HUWE1: variants seen among roughly 807,000 people sequenced by gnomAD.
HUWE1 encodes E3 ubiquitin-protein ligase HUWE1.
In HUWE1, 18 loss-of-function variants were observed where a neutral mutation model predicts 299.4. The ratio of observed to expected loss-of-function variants is 0.06; its 90% CI spans 0.04 to 0.09. HUWE1 has a LOEUF of 0.09. Ranked by LOEUF, HUWE1 falls within the 10% of genes least tolerant of loss-of-function variation. The pLI is 1.00. For synonymous variants in HUWE1, 1,317 were observed against 1,286.1 expected, an observed-to-expected ratio of 1.02 and a Z score of -0.51; for missense variants, 1,832 against 3,462.3, an observed-to-expected ratio of 0.53 and a Z score of 11.82.
At position 53,589,570 on chromosome X, in the gene HUWE1, T is replaced by A; in HGVS notation, c.4438A>T (p.Ile1480Phe). ...ACCTGATTGACTACTTGCTTCAGAA[T>A]CATGTCACGATAATCTGCTCCATTA... ...KRNGADYRDM[I>F]LKQVVNQVWE... Residue 1480 changes from isoleucine (I) to phenylalanine (F), a missense_variant, in exon 36 of 84, where the codon ATT becomes TTT. Ile to Phe is a conservative substitution (Grantham distance 21). This residue lies in a region of HUWE1 where 658 missense variants were observed against 1,282.6 expected (regional missense o/e 0.51). Coordinates refer to ENST00000262854, the MANE Select transcript of HUWE1 (RefSeq NM_031407.7). 8.3e-7 allele frequency: 1 copy of A among 1,211,514 alleles called. No homozygotes were observed. The highest frequency in any genetic ancestry group is 1.1e-6 in the Non-Finnish European group (1 of 895,249).
At chrX:53,595,743 T>G (rs1188219347) in intron 29 of HUWE1, among the ~76,000 whole-genome samples, 4 of 111,572 alleles carry the variant, frequency 3.6e-5, no homozygotes, top group Non-Finnish European at 5.6e-5. Flanking sequence ...ACAGAAAACT[T>G]TTAAAATGCC....
intron 18 of HUWE1, 29 bp from the exon 19 acceptor site, chrX:53,624,704 T>A: frequency 9.6e-7 from 1 of 1,041,882 alleles, no homozygotes; most frequent in Non-Finnish European, 1.3e-6. Flanking sequence ...TTATGGAGAA[T>A]ACGAATAGTC....
intron 24 of HUWE1, 69 bp from the exon 25 acceptor site, chrX:53,607,768 A>C: frequency 1.5e-6 from 1 of 679,036 alleles, no homozygotes; most frequent in Non-Finnish European, 2.3e-6. Flanking sequence ...GCCTGGAATA[A>C]GGATGGGGTA....
At chrX:53,612,623 A>G (rs1557003457) in intron 23 of HUWE1, among the ~76,000 whole-genome samples, 1 of 112,080 alleles carries the variant, frequency 8.9e-6, no homozygotes, top group African/African-American at 3.3e-5. Context: ...GAGGAAAACC[A>G]TTAACATGTA....
At chrX:53,538,602 G>C (rs2061172476) in intron 76 of HUWE1, 148 bp from the exon 77 acceptor site, 1 of 544,836 alleles carries the variant, frequency 1.8e-6, no homozygotes, top group Non-Finnish European at 3.1e-6. Context: ...CAGCCCTTGA[G>C]GTGTGAACGT....
intron 77 of HUWE1, among the ~76,000 whole-genome samples, chrX:53,538,024 T>G (rs1368070806): frequency 1.8e-5 from 2 of 111,799 alleles, no homozygotes; most frequent in Non-Finnish European, 3.8e-5. Context: ...CCTGGAACCC[T>G]GCTGTGTGTG....
intron 13 of HUWE1, 33 bp downstream of exon 13, chrX:53,629,483 A>G (rs782050781): frequency 1.0e-6 from 1 of 962,119 alleles, no homozygotes; most frequent in Admixed American, 2.2e-5. Context: ...CAAGTGTTAC[A>G]GCTAAGGGTT....
At chrX:53,581,965 A>C (rs1391847519) in intron 42 of HUWE1, among the ~76,000 whole-genome samples, 1 of 111,548 alleles carries the variant, frequency 9.0e-6, no homozygotes, top group African/African-American at 3.3e-5. Context: ...GATATCTTAG[A>C]CCAAGAGTAC....
At position 53,602,800 on chromosome X, in the gene HUWE1, G is replaced by A. The variant is rs184420834; in HGVS notation, c.2877-142C>T. The A allele has an allele frequency of 3.5e-4, 125 of 356,232 alleles. 1 individual carries two copies. In the Admixed American group the frequency reaches 6.2e-3, roughly 18 times the overall value. The allele number at this position is 356,232 out of a possible 1,213,427, so 29.4% of individuals were successfully genotyped here. A position where few individuals can be genotyped will look rare whatever the true frequency, so the allele number is the denominator to read the frequency against. ...GGCAGGTTAAACTGAATGTAATAAA[G>A]CATCTATAATTCCTGAGGTAGCACC... On this transcript the variant is annotated intron_variant, in intron 27 of 83. Coordinates refer to ENST00000262854, the MANE Select transcript of HUWE1 (RefSeq NM_031407.7).
At position 53,543,960 on chromosome X, in the gene HUWE1, C is replaced by T. The variant is rs782159146; in HGVS notation, c.11260G>A (p.Gly3754Ser). The change falls in exon 73 of 84, where the codon GGT (glycine) becomes AGT (serine). Residue 3754 changes from glycine (G) to serine (S), a missense_variant. Gly to Ser is a moderately conservative substitution (Grantham distance 56). Transcript: ENST00000262854. ...AKQTGRLGSS[G>S]LGSASSIQAA... ...TGGATGCTGCTAGCTGAGCCTAAACCGGAGGAACCTGGGAGAAAGAGAAAG... is the reference window on the plus strand; with the variant it reads ...TGGATGCTGCTAGCTGAGCCTAAACTGGAGGAACCTGGGAGAAAGAGAAAG... 7.5e-6 allele frequency: 9 copies of T among 1,201,743 alleles called. No individual in the cohort carries two copies. Among genetic ancestry groups the T allele is most frequent in the East Asian group, 3.0e-5 (1 of 33,569 alleles).
In HUWE1 at chrX:53,629,373, G is replaced by A. The variant is rs1355697197; in HGVS notation, c.963+143C>T. ...TGTATACGAAACATCAATGAATTTCGTGTTTAAACTTGGGTCCCATGCCCA... is the reference window on the plus strand; with the variant it reads ...TGTATACGAAACATCAATGAATTTCATGTTTAAACTTGGGTCCCATGCCCA... On this transcript the variant is annotated intron_variant, in intron 13 of 83. Transcript: ENST00000262854. The A allele has an allele frequency of 3.7e-5, 18 of 480,672 alleles. No homozygotes were observed. In the Admixed American group the frequency reaches 4.5e-4, roughly 12 times the overall value. The allele number at this position is 480,672 out of a possible 1,213,427, so 39.6% of individuals were successfully genotyped here. A position where few individuals can be genotyped will look rare whatever the true frequency, so the allele number is the denominator to read the frequency against.
chrX:53,537,458 C>G, intron 78 of HUWE1, 98 bp downstream of exon 78: 1 of 877,404 alleles, frequency 1.1e-6, no homozygotes, highest in Non-Finnish European at 1.6e-6. Flanking sequence ...TTAGGGAGGG[C>G]AGCACCTCCC....
rs1557035904 is a variant in HUWE1, at chrX:53,646,209, G to A, written c.352-746C>T. The stretch of plus-strand genomic sequence containing the variant: ...GGGTCTCTCTGTTGCCCAGGCTGGA[G>A]TGCAAAGGCATGATCATAGCTCCCT... On this transcript the variant is annotated intron_variant, in intron 6 of 83. Transcript: ENST00000262854. 1.8e-5 allele frequency among the ~76,000 whole-genome samples: 2 copies of A among 110,844 alleles called. 1 individual carries two copies. Among genetic ancestry groups the A allele is most frequent in the Non-Finnish European group, 3.8e-5 (2 of 52,935 alleles).
chrX:53,584,051 G>C (rs2063746425), intron 41 of HUWE1, 135 bp from the exon 42 acceptor site: 2 of 808,636 alleles, frequency 2.5e-6, no homozygotes, highest in African/African-American at 2.0e-5. Flanking sequence ...TTTAAGATCA[G>C]ATGAAAAAGC....
chrX:53,553,826 A>G (rs1381885403), intron 61 of HUWE1, among the ~76,000 whole-genome samples: 1 of 108,345 alleles, frequency 9.2e-6, no homozygotes, highest in African/African-American at 3.5e-5. Flanking sequence ...TAAATAAATA[A>G]AATAAAATAA....
intron 6 of HUWE1, among the ~76,000 whole-genome samples, chrX:53,645,733 A>AAT (rs2149256672): frequency 5.1e-5 from 1 of 19,460 alleles, no homozygotes; most frequent in East Asian, 1.6e-3. Flanking sequence ...AAAAAAAAAA[A>AAT]AAAATATATA....
chrX:53,655,343 G>A (rs1204640940), intron 3 of HUWE1, among the ~76,000 whole-genome samples: 2 of 111,010 alleles, frequency 1.8e-5, no homozygotes, highest in South Asian at 3.9e-4. Flanking sequence ...TGGAAATAGC[G>A]TGTATTTGCC....
chrX:53,554,535 C>G, intron 61 of HUWE1, 98 bp downstream of exon 61: 2 of 881,201 alleles, frequency 2.3e-6, no homozygotes, highest in Non-Finnish European at 3.3e-6. Flanking sequence ...AAGTTGAACT[C>G]CTACTATTTC....
Position 53,580,985 on chromosome X carries a change from G to A in HUWE1, c.5562C>T (p.Thr1854=). ...SAATSGAGST[T]SGVVSGSLGS... is the part of the protein sequence containing the mutation. The stretch of plus-strand genomic sequence containing the variant: ...CGAGGCTGCCAGACACAACACCAGA[G>A]GTAGTGCTACCAGCTCCACTTGTAG... The change falls in exon 43 of 84, where the codon ACC becomes ACT. Residue 1854 remains threonine, a synonymous_variant. Transcript: ENST00000262854. The A allele has an allele frequency of 1.7e-6, 2 of 1,209,563 alleles. No homozygotes were observed. Among genetic ancestry groups the A allele is most frequent in the Non-Finnish European group, 2.2e-6 (2 of 894,228 alleles).
Sources: allele counts gnomAD v4.1 joint callset (sites outside exome capture counted in the v4.1 genomes callset), GRCh38; gene constraint gnomAD v4.1.1; regional missense constraint gnomAD v4.1.1; transcripts MANE v1.5; gene names NCBI Gene and HGNC (gene_info 2026-07-23, HGNC 2026-07-21).